Variants in MTMR2 observed in about 807,000 individuals in gnomAD.
MTMR2 encodes myotubularin related protein 2.
In MTMR2, 55 loss-of-function variants were observed where a neutral mutation model predicts 86.9. The ratio of observed to expected loss-of-function variants is 0.63; its 90% CI spans 0.51 to 0.79. The LOEUF (loss-of-function observed/expected upper bound fraction) is 0.79. Among genes scored for constraint, MTMR2 ranks in the 30% least tolerant of loss-of-function variants. The pLI is 0.00. For missense variants in MTMR2, 659 were observed against 772.3 expected (o/e 0.85, Z 1.74); for synonymous variants, 241 against 266.8 (o/e 0.90, Z 0.94).
chr11:95,845,143 G>A lies in MTMR2; in HGVS notation c.1196C>T (p.Ala399Val). The stretch of plus-strand genomic sequence containing the variant: ...CTCTACCTTGTCAGCAATCCTAAGA[G>A]CCCCTGCAAGAATAAGCTGGAAAAC... Reference protein sequence around the residue: ...LEHIKLILAGALRIADKVESG... With the variant: ...LEHIKLILAGVLRIADKVESG... The change falls in exon 11 of 15, where the codon GCT (alanine) becomes GTT (valine). Residue 399 changes from alanine (A) to valine (V), a missense_variant. This residue lies in a region of MTMR2 where 387 missense variants were observed against 526.3 expected (regional missense o/e 0.74). Transcript: ENST00000346299. 1 of 1,613,694 alleles carries A rather than the reference G, an allele frequency of 6.2e-7. No homozygotes were observed. Among genetic ancestry groups the A allele is most frequent in the Non-Finnish European group, 8.5e-7 (1 of 1,179,770 alleles).
chr11:95,884,220 G>C (rs537381232), intron 2 of MTMR2, among the ~76,000 whole-genome samples: 5 of 152,170 alleles, frequency 3.3e-5, no homozygotes, highest in African/African-American at 4.8e-5. Context: ...CACATGAAAA[G>C]CAATCATCAT....
chr11:95,866,134 G>T (rs924741217), intron 2 of MTMR2, among the ~76,000 whole-genome samples: 1 of 152,118 alleles, frequency 6.6e-6, no homozygotes, highest in African/African-American at 2.4e-5. Flanking sequence ...TTAAGTTCTT[G>T]TGTAGATTTA....
intron 1 of MTMR2, chr11:95,923,644 C>A (rs912893225): frequency 7.3e-7 from 1 of 1,378,222 alleles, no homozygotes; most frequent in Non-Finnish European, 9.4e-7. Flanking sequence ...AAAACGAGAT[C>A]GGAATATGAA....
intron 2 of MTMR2, among the ~76,000 whole-genome samples, chr11:95,883,359 A>G (rs1233060887): frequency 6.6e-6 from 1 of 152,240 alleles, no homozygotes; most frequent in African/African-American, 2.4e-5. Flanking sequence ...AATATGTTTT[A>G]GTAAAAACAA....
At chr11:95,895,961 T>C (rs1482334100) in intron 1 of MTMR2, among the ~76,000 whole-genome samples, 1 of 152,106 alleles carries the variant, frequency 6.6e-6, no homozygotes, top group African/African-American at 2.4e-5. Flanking sequence ...TCCCTACTGC[T>C]CTCAAGATAA....
intron 1 of MTMR2, among the ~76,000 whole-genome samples, chr11:95,895,991 G>A (rs1044346316): frequency 1.3e-5 from 2 of 151,968 alleles, no homozygotes; most frequent in African/African-American, 4.8e-5. Flanking sequence ...CCTTACCACA[G>A]CCTCAAGTTG....
intron 1 of MTMR2, among the ~76,000 whole-genome samples, chr11:95,907,120 T>A (rs902912381): frequency 7.9e-5 from 12 of 151,860 alleles, no homozygotes; most frequent in Non-Finnish European, 1.8e-4. Flanking sequence ...GACCACTAGC[T>A]AGACTAATAA....
intron 2 of MTMR2, among the ~76,000 whole-genome samples, chr11:95,872,927 T>A (rs1864948075): frequency 6.6e-6 from 1 of 152,190 alleles, no homozygotes; most frequent in African/African-American, 2.4e-5. Flanking sequence ...TATTGATTTG[T>A]GTATGTTGAA....
rs558583927 is a variant in MTMR2 at position 95,867,879 on chromosome 11, C to T, written c.187-2203G>A. Among the ~76,000 whole-genome samples the T allele has an allele frequency of 8.4e-4, 127 of 150,910 alleles. 1 individual carries two copies. Among genetic ancestry groups the T allele is most frequent in the African/African-American group, 3.0e-3 (122 of 41,124 alleles). ...CAACCCGAAACTTTAAAAAAGAAAG[C>T]AGTCTTCTGAAAATAATTCTCTATA... On this transcript the variant is annotated intron_variant, in intron 2 of 14. Transcript: ENST00000346299.
chr11:95,868,422 G>C (rs1181194175), intron 2 of MTMR2, among the ~76,000 whole-genome samples: 3 of 151,726 alleles, frequency 2.0e-5, no homozygotes. Context: ...AAATGTAATA[G>C]CAGAAATAAA....
chr11:95,918,379 T>C (rs537086993), intron 1 of MTMR2, among the ~76,000 whole-genome samples: 11 of 152,188 alleles, frequency 7.2e-5, no homozygotes, highest in Non-Finnish European at 1.6e-4. Context: ...AGACCAAACT[T>C]TGAGAACTAC....
At chr11:95,836,476 C>T in intron 13 of MTMR2, 152 bp from the exon 14 acceptor site, 2 of 725,924 alleles carry the variant, frequency 2.8e-6, no homozygotes, top group Non-Finnish European at 4.8e-6. Context: ...ATATTAAGAT[C>T]AGAGGGTACT....
intron 1 of MTMR2, among the ~76,000 whole-genome samples, chr11:95,904,857 C>A (rs142566630): frequency 6.6e-6 from 1 of 152,084 alleles, no homozygotes; most frequent in Non-Finnish European, 1.5e-5. Flanking sequence ...GGATCAGGAC[C>A]CCTTTCCGGT....
intron 1 of MTMR2, among the ~76,000 whole-genome samples, chr11:95,922,390 C>G (rs901627074): frequency 6.6e-6 from 1 of 152,162 alleles, no homozygotes; most frequent in African/African-American, 2.4e-5. Flanking sequence ...TTCGAATTTT[C>G]CAACCTGTTT....
intron 1 of MTMR2, among the ~76,000 whole-genome samples, chr11:95,918,570 A>C (rs1866794442): frequency 6.6e-6 from 1 of 152,194 alleles, no homozygotes; most frequent in Non-Finnish European, 1.5e-5. Flanking sequence ...TAGATCTTTG[A>C]GGGTTTTTAA....
At chr11:95,860,722 C>G (rs964311572) in intron 5 of MTMR2, among the ~76,000 whole-genome samples, 4 of 152,116 alleles carry the variant, frequency 2.6e-5, no homozygotes, top group South Asian at 4.2e-4. Context: ...AGAAGTGGTA[C>G]GTAGAATTAA....
rs1863203409 is a variant in MTMR2, at chr11:95,835,155, TAG to T, written c.*133_*134del. ...CACTGCTACAGTTCTAAACTCATCCTAGAGAGATTTAAAATAAATAAAGTGAC... is the reference window on the plus strand; with the variant it reads ...CACTGCTACAGTTCTAAACTCATCCTAGAGATTTAAAATAAATAAAGTGAC... On this transcript the variant is annotated 3_prime_UTR_variant, in exon 15 of 15. Coordinates refer to ENST00000346299, the MANE Select transcript of MTMR2 (RefSeq NM_016156.6). The T allele has an allele frequency of 6.3e-6, 6 of 946,192 alleles. No individual in the cohort carries two copies. Among genetic ancestry groups the T allele is most frequent in the Admixed American group, 2.0e-5 (1 of 49,584 alleles). The allele number at this position is 946,192 out of a possible 1,614,324, so 58.6% of individuals were successfully genotyped here.
intron 12 of MTMR2, 115 bp from the exon 13 acceptor site, chr11:95,838,322 T>C: frequency 1.4e-6 from 1 of 695,124 alleles, no homozygotes; most frequent in South Asian, 1.5e-5. Context: ...CATTCAAATC[T>C]ACATTATTCC....
intron 1 of MTMR2, among the ~76,000 whole-genome samples, chr11:95,920,332 G>A (rs1866870097): frequency 6.6e-6 from 1 of 152,116 alleles, no homozygotes; most frequent in Admixed American, 6.5e-5. Flanking sequence ...GTTTGAGATG[G>A]AGTCTCACTC....
Sources: allele counts gnomAD v4.1 joint callset (sites outside exome capture counted in the v4.1 genomes callset), GRCh38; gene constraint gnomAD v4.1.1; regional missense constraint gnomAD v4.1.1; transcripts MANE v1.5; gene names NCBI Gene and HGNC (gene_info 2026-07-23, HGNC 2026-07-21).